SLC44A2: variants seen among roughly 807,000 people sequenced by gnomAD.
The protein encoded by SLC44A2 is solute carrier family 44 member 2 (CTL2 blood group).
SLC44A2 carries 57 observed loss-of-function variants against 90.8 expected under a neutral mutation model. The ratio of observed to expected loss-of-function variants is 0.63; its 90% CI spans 0.51 to 0.78. The LOEUF (loss-of-function observed/expected upper bound fraction) is 0.78. Ranked by LOEUF, SLC44A2 falls within the 30% of genes least tolerant of loss-of-function variation. SLC44A2 has a pLI of 0.00. For missense variants in SLC44A2, 794 were observed against 919.7 expected, an observed-to-expected ratio of 0.86 and a Z score of 1.77; for synonymous variants, 355 against 360.7, an observed-to-expected ratio of 0.98 and a Z score of 0.18.
chr19:10,618,928 G>A (rs1471888453), intron 1 of SLC44A2, among the ~76,000 whole-genome samples: 3 of 137,242 alleles, frequency 2.2e-5, no homozygotes, highest in African/African-American at 8.1e-5. Flanking sequence ...TCCTTTCCCT[G>A]TAAATTCTAC....
At chr19:10,630,986 C>G (rs1226858790) in intron 4 of SLC44A2, 71 bp from the exon 5 acceptor site, 2 of 1,229,170 alleles carry the variant, frequency 1.6e-6, no homozygotes, top group African/African-American at 3.1e-5. Context: ...TCCTGGGCAA[C>G]AAGAGCGAGA....
chr19:10,605,767 G>T (rs1918083589), intron 1 of SLC44A2, among the ~76,000 whole-genome samples: 1 of 152,178 alleles, frequency 6.6e-6, no homozygotes, highest in Admixed American at 6.5e-5. Flanking sequence ...GCTGAGGTGG[G>T]TGGGTCACTT....
intron 1 of SLC44A2, among the ~76,000 whole-genome samples, chr19:10,616,821 C>T (rs1305121191): frequency 2.0e-5 from 3 of 152,126 alleles, no homozygotes; most frequent in Non-Finnish European, 2.9e-5. Context: ...CAGCTCACTG[C>T]CGCCTGTAAC....
At chr19:10,641,112 G>T (rs1432156884) in intron 20 of SLC44A2, 4 of 405,768 alleles carry the variant, frequency 9.9e-6, no homozygotes, top group African/African-American at 8.6e-5. Flanking sequence ...AAGGCTCTCA[G>T]CCAGACGCAG....
chr19:10,638,312 A>G lies in SLC44A2; in HGVS notation c.1926A>G (p.Ile642Met). Residue 642 changes from isoleucine to methionine, a missense_variant, in exon 20 of 22, where the codon ATA becomes ATG. Ile to Met is a conservative substitution (Grantham distance 10). Coordinates refer to ENST00000335757, the MANE Select transcript of SLC44A2 (RefSeq NM_020428.4). ...APPLNYYWVP[I>M]LTVIVGSYLI... ...CCCTCAATTATTACTGGGTTCCTAT[A>G]CTGGTATGGACCTCTGGGGAGAGAT... is the stretch of plus-strand genomic sequence containing the variant. The G allele has an allele frequency of 6.2e-7, 1 of 1,613,232 alleles. No homozygotes were observed. Among genetic ancestry groups the G allele is most frequent in the East Asian group, 2.2e-5 (1 of 44,876 alleles).
chr19:10,639,078 C>T (rs1599259015), intron 20 of SLC44A2, among the ~76,000 whole-genome samples: 1 of 152,088 alleles, frequency 6.6e-6, no homozygotes, highest in East Asian at 1.9e-4. Context: ...GGATTACAGG[C>T]GTGAACCACC....
intron 4 of SLC44A2, among the ~76,000 whole-genome samples, chr19:10,629,974 C>T (rs376294537): frequency 1.1e-3 from 166 of 152,168 alleles, no homozygotes; most frequent in African/African-American, 3.8e-3. Flanking sequence ...AGGCTGGTCT[C>T]GAACTCCTGA....
At chr19:10,640,991 G>GT (rs768683782) in intron 20 of SLC44A2, 33 of 339,324 alleles carry the variant, frequency 9.7e-5, no homozygotes, top group Non-Finnish European at 1.8e-4. Flanking sequence ...GGAGGCTGAG[G>GT]TAAGAGAATC....
At chr19:10,628,852 A>G (rs1461287407) in intron 4 of SLC44A2, among the ~76,000 whole-genome samples, 1 of 152,084 alleles carries the variant, frequency 6.6e-6, no homozygotes, top group African/African-American at 2.4e-5. Flanking sequence ...TAAAATGAGG[A>G]TCATAACAGT....
At position 10,630,566 on chromosome 19, in the gene SLC44A2, C is replaced by G. The variant is rs1342015285; in HGVS notation, c.246-491C>G. Among the ~76,000 whole-genome samples, 4 of 149,916 alleles carry G rather than the reference C, an allele frequency of 2.7e-5. No homozygotes were observed. The East Asian group carries it at 7.8e-4, about 29-fold the overall frequency. ...GTCCCAGCTACTCGGGAGGCTGAGGCAGGAGAATTGCTTGAACCCAGGAGG... is the reference window on the plus strand; with the variant it reads ...GTCCCAGCTACTCGGGAGGCTGAGGGAGGAGAATTGCTTGAACCCAGGAGG... On this transcript the variant is annotated intron_variant, in intron 4 of 21. Coordinates refer to ENST00000335757, the MANE Select transcript of SLC44A2 (RefSeq NM_020428.4).
intron 2 of SLC44A2, among the ~76,000 whole-genome samples, 173 bp from the exon 3 acceptor site, chr19:10,627,549 A>T (rs2066946879): frequency 1.3e-5 from 2 of 152,148 alleles, no homozygotes; most frequent in Admixed American, 6.6e-5. Flanking sequence ...GCACAAAATT[A>T]AAAAATGAAA....
intron 4 of SLC44A2, among the ~76,000 whole-genome samples, chr19:10,630,101 C>G (rs936866140): frequency 6.6e-6 from 1 of 152,156 alleles, no homozygotes; most frequent in Non-Finnish European, 1.5e-5. Flanking sequence ...CGGTGGCTCA[C>G]GCCTGTAATC....
At chr19:10,608,954 CTT>C (rs35684067) in intron 1 of SLC44A2, among the ~76,000 whole-genome samples, 51 of 111,184 alleles carry the variant, frequency 4.6e-4, no homozygotes, top group Admixed American at 9.2e-4. Flanking sequence ...CCCAGCCTAC[CTT>C]TTTTTTTTTT....
Position 10,626,241 on chromosome 19 carries a change from C to T in SLC44A2, c.38-12C>T. 2 of 1,611,298 alleles carry T rather than the reference C, an allele frequency of 1.2e-6. No individual in the cohort carries two copies. The highest frequency in any genetic ancestry group is 1.7e-6 in the Non-Finnish European group (2 of 1,177,416). ...CTCCAATCCCATCCATCTTAATCTTCTTGACTTTCAGGAACGCCACAGAAG... is the reference window on the plus strand; with the variant it reads ...CTCCAATCCCATCCATCTTAATCTTTTTGACTTTCAGGAACGCCACAGAAG... On this transcript the variant is annotated splice_polypyrimidine_tract_variant and intron_variant, in intron 1 of 21. Transcript: ENST00000335757.
chr19:10,631,738 G>A lies in SLC44A2; in HGVS notation c.615G>A (p.Val205=), dbSNP rs776251191. The part of the protein sequence containing the change: ...HGSRKNITDL[V]EGAKKANGVL... ...CCCGGAAAAACATCACAGACCTGGT[G>A]GAGGGCGCCAAGTGAGGATATTGGC... is the stretch of plus-strand genomic sequence containing the variant. The change falls in exon 8 of 22, where the codon GTG becomes GTA. Residue 205 remains valine, a synonymous_variant. Coordinates refer to ENST00000335757, the MANE Select transcript of SLC44A2 (RefSeq NM_020428.4). The A allele has an allele frequency of 1.1e-5, 17 of 1,613,320 alleles. No homozygotes were observed. The highest frequency in any genetic ancestry group is 1.4e-5 in the Non-Finnish European group (16 of 1,180,052).
intron 4 of SLC44A2, among the ~76,000 whole-genome samples, chr19:10,630,672 AAG>A (rs1568449736): frequency 6.7e-6 from 1 of 149,808 alleles, no homozygotes; most frequent in Non-Finnish European, 1.5e-5. Context: ...AAAAAAAAAA[AAG>A]AGAAAAATAA....
chr19:10,641,157 C>A, intron 20 of SLC44A2: 1 of 367,376 alleles, frequency 2.7e-6, no homozygotes, highest in Non-Finnish European at 5.3e-6. Context: ...CTTTGGGAGG[C>A]CGAGGCAGGC....
intron 2 of SLC44A2, 148 bp downstream of exon 2, chr19:10,626,449 C>T (rs2066934717): frequency 1.5e-6 from 1 of 671,336 alleles, no homozygotes; most frequent in African/African-American, 1.8e-5. Flanking sequence ...TGCTCTGTCA[C>T]CAGGCTGGAG....
At chr19:10,625,472 G>T, upstream of SLC44A2, 1 of 1,217,936 alleles carries the variant, frequency 8.2e-7, no homozygotes. Context: ...CTGGGCAGCT[G>T]CCCAGCTCGG....
Sources: allele counts gnomAD v4.1 joint callset (sites outside exome capture counted in the v4.1 genomes callset), GRCh38; gene constraint gnomAD v4.1.1; transcripts MANE v1.5; gene names NCBI Gene and HGNC (gene_info 2026-07-23, HGNC 2026-07-21).